The following OR9Q1 variants were observed in gnomAD, a reference collection of about 807,000 sequenced individuals.
OR9Q1 encodes the protein olfactory receptor 9Q1.
For missense variants in OR9Q1, 374 were observed against 378.8 expected (o/e 0.99, Z 0.11); for synonymous variants, 153 against 148.6 (o/e 1.03, Z -0.22).
At chr11:58,137,070 G>A (rs766098491) in intron 2 of OR9Q1, among the ~76,000 whole-genome samples, 3 of 152,218 alleles carry the variant, frequency 2.0e-5, no homozygotes, top group Non-Finnish European at 2.9e-5. Context: ...CTAATGCAGA[G>A]AGGGCTGATG....
rs553192424 is a variant in OR9Q1, at chr11:58,098,372, A to T, written c.-15+42425A>T. On this transcript the variant is annotated intron_variant, in intron 2 of 2. Coordinates refer to ENST00000335397, the MANE Select transcript of OR9Q1 (RefSeq NM_001005212.4). ...GAATTTGTTTCTTTTGACTTGTCAA[A>T]TTTTTTTGTCATGCTAGTTACAATA... 5.3e-3 allele frequency among the ~76,000 whole-genome samples: 805 copies of T among 152,252 alleles called. 4 individuals carry two copies. The highest frequency in any genetic ancestry group is 0.01 in the Middle Eastern group (3 of 294).
intron 2 of OR9Q1, among the ~76,000 whole-genome samples, chr11:58,112,342 A>G (rs893371828): frequency 6.6e-6 from 1 of 152,166 alleles, no homozygotes; most frequent in African/African-American, 2.4e-5. Context: ...CGCTTAGAAG[A>G]TTACTTTAAG....
intron 2 of OR9Q1, among the ~76,000 whole-genome samples, chr11:58,167,816 T>G (rs1854519474): frequency 6.6e-6 from 1 of 152,130 alleles, no homozygotes; most frequent in Admixed American, 6.5e-5. Flanking sequence ...AGAGTCAAAA[T>G]AGAAGTAGAA....
intron 2 of OR9Q1, chr11:58,072,334 T>G (rs185460267): frequency 5.0e-4 from 77 of 152,860 alleles, no homozygotes; most frequent in African/African-American, 1.9e-3. Flanking sequence ...TAGATGTCTA[T>G]TCTATTAAAT....
intron 2 of OR9Q1, among the ~76,000 whole-genome samples, chr11:58,167,484 TG>T (rs1854516112): frequency 6.6e-6 from 1 of 152,206 alleles, no homozygotes; most frequent in African/African-American, 2.4e-5. Flanking sequence ...CAGCTTGTCG[TG>T]TTTTATCAAT....
intron 2 of OR9Q1, among the ~76,000 whole-genome samples, chr11:58,164,296 C>T (rs989928059): frequency 2.0e-5 from 3 of 152,066 alleles, no homozygotes; most frequent in South Asian, 4.2e-4. Context: ...ATAAGAAAAA[C>T]GGATGATGAT....
At chr11:58,044,263 A>G (rs986100750) in intron 1 of OR9Q1, 2 of 152,142 alleles carry the variant, frequency 1.3e-5, no homozygotes, top group African/African-American at 4.8e-5. Context: ...TCTGAAGTCT[A>G]CTCTGGCTGA....
intron 2 of OR9Q1, among the ~76,000 whole-genome samples, chr11:58,095,825 C>T (rs1177366064): frequency 6.6e-6 from 1 of 152,068 alleles, no homozygotes; most frequent in Non-Finnish European, 1.5e-5. Context: ...AGATTTTAGT[C>T]TGGAAAGAAT....
At chr11:58,143,969 A>T (rs1437485037) in intron 2 of OR9Q1, among the ~76,000 whole-genome samples, 2 of 152,196 alleles carry the variant, frequency 1.3e-5, no homozygotes, top group Non-Finnish European at 2.9e-5. Context: ...CTAAAAGATT[A>T]TTATAATTAG....
intron 2 of OR9Q1, among the ~76,000 whole-genome samples, chr11:58,068,819 G>C (rs749964051): frequency 3.9e-5 from 6 of 152,154 alleles, no homozygotes; most frequent in Non-Finnish European, 8.8e-5. Flanking sequence ...TGGGGGGCAA[G>C]TGGGGAGATT....
At chr11:58,159,218 T>G (rs1854435622) in intron 2 of OR9Q1, among the ~76,000 whole-genome samples, 1 of 152,236 alleles carries the variant, frequency 6.6e-6, no homozygotes, top group African/African-American at 2.4e-5. Flanking sequence ...TCTTGGTATG[T>G]GCTGGCAAAT....
At chr11:58,037,324 C>G (rs375576773) in intron 1 of OR9Q1, among the ~76,000 whole-genome samples, 2 of 152,100 alleles carry the variant, frequency 1.3e-5, no homozygotes, top group East Asian at 1.9e-4. Context: ...CACTGGGAAA[C>G]TAAAAATTTG....
intron 2 of OR9Q1, among the ~76,000 whole-genome samples, chr11:58,079,588 G>A (rs1276265192): frequency 1.3e-5 from 2 of 152,144 alleles, no homozygotes; most frequent in Non-Finnish European, 2.9e-5. Context: ...ATAGAGTGTG[G>A]TGGAAGTGAT....
At chr11:58,150,612 C>T (rs755131635) in intron 2 of OR9Q1, among the ~76,000 whole-genome samples, 9 of 152,146 alleles carry the variant, frequency 5.9e-5, no homozygotes, top group Non-Finnish European at 1.2e-4. Flanking sequence ...AACATCCTAA[C>T]ATCACAGGAC....
At chr11:58,060,510 G>T (rs1024273607) in intron 2 of OR9Q1, among the ~76,000 whole-genome samples, 3 of 152,178 alleles carry the variant, frequency 2.0e-5, no homozygotes, top group Non-Finnish European at 4.4e-5. Flanking sequence ...GAGCAGAGGG[G>T]AAGGGGTTGT....
chr11:58,104,349 GTTT>G (rs3085869), intron 2 of OR9Q1, among the ~76,000 whole-genome samples: 8 of 146,174 alleles, frequency 5.5e-5, no homozygotes, highest in South Asian at 2.2e-4. Context: ...TTGGATGGTA[GTTT>G]TTTTTTTTTT....
At chr11:58,178,705 C>A (rs918383575) in intron 2 of OR9Q1, among the ~76,000 whole-genome samples, 3 of 151,788 alleles carry the variant, frequency 2.0e-5, no homozygotes, top group Non-Finnish European at 4.4e-5. Context: ...AGAGCTCACA[C>A]AGCTACTTAG....
At chr11:58,035,855 A>C (rs1853095765) in intron 1 of OR9Q1, among the ~76,000 whole-genome samples, 1 of 152,176 alleles carries the variant, frequency 6.6e-6, no homozygotes, top group Non-Finnish European at 1.5e-5. Context: ...TTCCAGATCA[A>C]ATATAATAAT....
At chr11:58,120,803 C>CATATATATATATATATATATATATAT (rs61634454) in intron 2 of OR9Q1, among the ~76,000 whole-genome samples, 5 of 132,682 alleles carry the variant, frequency 3.8e-5, no homozygotes, top group Non-Finnish European at 8.0e-5. Context: ...ATTTCAATAC[C>CATATATATATATATATATATATATAT]ATATATATAT....
Sources: gnomAD v4.1 joint callset for allele counts (sites outside exome capture counted in the v4.1 genomes callset) on GRCh38, gnomAD v4.1.1 for gene constraint, MANE v1.5 for transcripts, NCBI Gene and HGNC (gene_info 2026-07-23, HGNC 2026-07-21) for gene names.